The following ZFPM2 variants were observed in gnomAD, a reference collection of about 807,000 sequenced individuals.
ZFPM2 encodes zinc finger protein, FOG family member 2.
A neutral mutation model predicts 98.6 loss-of-function variants in ZFPM2; 20 were observed. The ratio of observed to expected loss-of-function variants is 0.20; its 90% confidence interval spans 0.14 to 0.29. The LOEUF (loss-of-function observed/expected upper bound fraction) is 0.29, where lower values mean the gene tolerates loss of function less well. ZFPM2 is among the 10% of genes least tolerant of loss of function. The pLI is 1.00. For missense variants in ZFPM2, 1,310 were observed against 1,388.6 expected (o/e 0.94, Z 0.90); for synonymous variants, 518 against 502.7 (o/e 1.03, Z -0.41).
chr8:105,396,574 G>A (rs184296300), intron 1 of ZFPM2, among the ~76,000 whole-genome samples: 1 of 152,314 alleles, frequency 6.6e-6, no homozygotes, highest in African/African-American at 2.4e-5. Context: ...GGTAAAAGAA[G>A]TTAGGAATGA....
intron 3 of ZFPM2, among the ~76,000 whole-genome samples, chr8:105,484,995 A>C (rs1813201164): frequency 6.6e-6 from 1 of 152,234 alleles, no homozygotes; most frequent in Non-Finnish European, 1.5e-5. Flanking sequence ...CTAGTGGGCC[A>C]ATGCTGACAT....
intron 1 of ZFPM2, among the ~76,000 whole-genome samples, chr8:105,335,975 T>C (rs1477578353): frequency 6.6e-6 from 1 of 151,810 alleles, no homozygotes; most frequent in African/African-American, 2.4e-5. Context: ...AAAATGAGGA[T>C]GTAGGTAACT....
chr8:105,583,910 A>G (rs1385999325), intron 4 of ZFPM2, among the ~76,000 whole-genome samples: 2 of 152,172 alleles, frequency 1.3e-5, no homozygotes, highest in Non-Finnish European at 2.9e-5. Context: ...TTCACAGACT[A>G]CTGTAGTCAT....
intron 4 of ZFPM2, among the ~76,000 whole-genome samples, chr8:105,570,320 A>ATTT (rs35050504): frequency 6.7e-6 from 1 of 148,732 alleles, no homozygotes. Context: ...ATTTTTATTT[A>ATTT]TTTTTTTTTT....
Position 105,434,564 on chromosome 8 carries a change from G to T in ZFPM2, c.200-9716G>T, listed in dbSNP as rs555081689. Among the ~76,000 whole-genome samples, 9 of 152,186 alleles carry T rather than the reference G, an allele frequency of 5.9e-5. No individual in the cohort carries two copies. In the South Asian group the frequency reaches 1.9e-3, roughly 32 times the overall value. On this transcript the variant is annotated intron_variant, in intron 2 of 7. Coordinates refer to ENST00000407775, the MANE Select transcript of ZFPM2 (RefSeq NM_012082.4). Reference sequence around the variant, plus strand: ...TCTTTCATGAGCTTCTTCTGTGAAGGTATCCTAACTATAGGAAGCACCTGG... The same window carrying T: ...TCTTTCATGAGCTTCTTCTGTGAAGTTATCCTAACTATAGGAAGCACCTGG...
At chr8:105,794,213 T>C (rs1181020209) in intron 6 of ZFPM2, among the ~76,000 whole-genome samples, 1 of 152,094 alleles carries the variant, frequency 6.6e-6, no homozygotes, top group Non-Finnish European at 1.5e-5. Flanking sequence ...TTTTATCTAC[T>C]TTTGGTCTTT....
chr8:105,777,879 T>G (rs1813139986), intron 5 of ZFPM2, among the ~76,000 whole-genome samples: 1 of 152,214 alleles, frequency 6.6e-6, no homozygotes, highest in South Asian at 2.1e-4. Flanking sequence ...AGAGTAGTGC[T>G]TAATTATCTG....
intron 3 of ZFPM2, among the ~76,000 whole-genome samples, chr8:105,543,006 G>T (rs1185503838): frequency 2.6e-5 from 4 of 152,064 alleles, no homozygotes; most frequent in African/African-American, 9.7e-5. Flanking sequence ...GTTGTTACTA[G>T]TATCCAAAAA....
chr8:105,584,705 G>T (rs905967260), intron 4 of ZFPM2, among the ~76,000 whole-genome samples: 2 of 152,094 alleles, frequency 1.3e-5, no homozygotes, highest in African/African-American at 4.8e-5. Context: ...ATCATGTGGA[G>T]GCCTGATAAA....
At chr8:105,632,490 T>C (rs1816772364) in intron 4 of ZFPM2, among the ~76,000 whole-genome samples, 1 of 152,160 alleles carries the variant, frequency 6.6e-6, no homozygotes, top group Admixed American at 6.6e-5. Flanking sequence ...GATCTATGGA[T>C]TTATCTGTCA....
intron 1 of ZFPM2, among the ~76,000 whole-genome samples, chr8:105,386,247 A>G (rs577222427): frequency 6.6e-6 from 1 of 152,306 alleles, no homozygotes; most frequent in South Asian, 2.1e-4. Context: ...TGTTTTTGCT[A>G]TACTTAATAT....
chr8:105,674,526 A>G (rs544736756), intron 5 of ZFPM2, among the ~76,000 whole-genome samples: 2 of 152,306 alleles, frequency 1.3e-5, no homozygotes, highest in Admixed American at 1.3e-4. Flanking sequence ...GTTGGTTTGC[A>G]TTGTTCATTT....
At chr8:105,529,629 C>A (rs1309621540) in intron 3 of ZFPM2, among the ~76,000 whole-genome samples, 5 of 150,682 alleles carry the variant, frequency 3.3e-5, no homozygotes, top group African/African-American at 4.9e-5. Flanking sequence ...CAGTCAGGAC[C>A]AAGTGAGCCC....
chr8:105,771,649 G>T (rs180719701), intron 5 of ZFPM2, among the ~76,000 whole-genome samples: 63 of 152,184 alleles, frequency 4.1e-4, no homozygotes, highest in African/African-American at 1.4e-3. Flanking sequence ...AGATTTTGCC[G>T]TTCATTCCCC....
chr8:105,790,406 G>C (rs577574936), intron 6 of ZFPM2, among the ~76,000 whole-genome samples: 171 of 152,270 alleles, frequency 1.1e-3, no homozygotes, highest in African/African-American at 3.7e-3. Flanking sequence ...TTGTAGATAT[G>C]CGGCATTATT....
intron 5 of ZFPM2, among the ~76,000 whole-genome samples, chr8:105,738,570 G>A (rs1812141528): frequency 1.3e-5 from 2 of 151,970 alleles, no homozygotes; most frequent in South Asian, 4.1e-4. Flanking sequence ...TGATATTTCT[G>A]TTTTTAGGTC....
intron 4 of ZFPM2, among the ~76,000 whole-genome samples, chr8:105,602,274 C>G (rs1039425340): frequency 6.6e-6 from 1 of 151,870 alleles, no homozygotes; most frequent in Non-Finnish European, 1.5e-5. Context: ...TATAAACTGC[C>G]TTTAGAATAT....
At chr8:105,719,645 A>G (rs1277525341) in intron 5 of ZFPM2, among the ~76,000 whole-genome samples, 2 of 151,940 alleles carry the variant, frequency 1.3e-5, no homozygotes, top group African/African-American at 4.8e-5. Context: ...TAGATAATAC[A>G]TATAGAGTGC....
chr8:105,798,846 G>GCCT lies in ZFPM2; in HGVS notation c.862_863insCCT (p.Glu288delinsAlaTer), dbSNP rs1813913451. On this transcript the variant is annotated stop_gained and protein_altering_variant, in exon 7 of 8. Coordinates refer to ENST00000407775, the MANE Select transcript of ZFPM2 (RefSeq NM_012082.4). LOFTEE classifies it high-confidence loss of function. ...AGCTGCTCCGGTGTCAGAGGAAAATGAAGACAGTGCCCATCAGATTTCCAG... is the reference window on the plus strand; with the variant it reads ...AGCTGCTCCGGTGTCAGAGGAAAATGCCTAAGACAGTGCCCATCAGATTTCCAG... 6.2e-7 allele frequency: 1 copy of GCCT among 1,613,854 alleles called. No individual in the cohort carries two copies. Among genetic ancestry groups the GCCT allele is most frequent in the Admixed American group, 1.7e-5 (1 of 59,986 alleles).
Sources: allele counts gnomAD v4.1 joint callset (sites outside exome capture counted in the v4.1 genomes callset), GRCh38; gene constraint gnomAD v4.1.1; transcripts MANE v1.5; gene names NCBI Gene and HGNC (gene_info 2026-07-23, HGNC 2026-07-21).